The following S100Z variants were observed in gnomAD, a reference collection of about 807,000 sequenced individuals.
S100Z encodes the protein S100 calcium binding protein Z, also known as protein S100-Z.
S100Z carries 11 observed loss-of-function variants against 8.5 expected under a neutral mutation model. The ratio of observed to expected loss-of-function variants is 1.30; its 90% CI spans 0.82 to 2.15. The LOEUF (loss-of-function observed/expected upper bound fraction) is 2.15. Ranked by LOEUF, S100Z falls within the 30% of genes most tolerant of loss-of-function variation. The pLI is 0.00. For synonymous variants in S100Z, 34 were observed against 43.8 expected (o/e 0.78, Z 0.89); for missense variants, 126 against 117.9 (o/e 1.07, Z -0.32).
chr5:76,908,897 C>T (rs1744548982), intron 4 of S100Z, among the ~76,000 whole-genome samples: 2 of 152,126 alleles, frequency 1.3e-5, no homozygotes, highest in African/African-American at 4.8e-5. Flanking sequence ...GCCACTAAAT[C>T]CGATTTTTCT....
chr5:76,938,749 T>C, the S100Z span, among the ~76,000 whole-genome samples: 1 of 152,192 alleles, frequency 6.6e-6, no homozygotes, highest in Non-Finnish European at 1.5e-5. Flanking sequence ...CAAATTAATT[T>C]TTATGTATGG....
At chr5:76,878,485 G>A (rs893446909) in intron 4 of S100Z, among the ~76,000 whole-genome samples, 9 of 152,106 alleles carry the variant, frequency 5.9e-5, no homozygotes, top group African/African-American at 9.7e-5. Context: ...GCTGAGCCTC[G>A]GTAGGCCCCA....
chr5:76,914,151 A>G (rs982922865), intron 4 of S100Z, among the ~76,000 whole-genome samples: 2 of 152,082 alleles, frequency 1.3e-5, no homozygotes, highest in Non-Finnish European at 2.9e-5. Context: ...TCTGGAGGAC[A>G]TTACAACTGC....
intron 4 of S100Z, among the ~76,000 whole-genome samples, chr5:76,919,907 A>ATTTTTTT (rs1184233230): frequency 8.2e-6 from 1 of 122,226 alleles, no homozygotes. Flanking sequence ...CCCAGCTTTC[A>ATTTTTTT]TTTTTTTTTT....
intron 1 of S100Z, among the ~76,000 whole-genome samples, chr5:76,863,686 C>G (rs562445374): frequency 9.2e-5 from 14 of 151,950 alleles, no homozygotes; most frequent in South Asian, 8.3e-4. Flanking sequence ...CTACAGGCAC[C>G]CGCCACCACA....
intron 2 of S100Z, among the ~76,000 whole-genome samples, chr5:76,871,937 C>T (rs1185004055): frequency 6.6e-6 from 1 of 152,188 alleles, no homozygotes; most frequent in Non-Finnish European, 1.5e-5. Flanking sequence ...TATAACTTAA[C>T]ATATAAAACC....
chr5:76,874,390 A>C (rs1743107924), intron 2 of S100Z, among the ~76,000 whole-genome samples: 2 of 152,094 alleles, frequency 1.3e-5, no homozygotes, highest in South Asian at 4.2e-4. Context: ...ACACTCCCCT[A>C]AAGAGAGATA....
chr5:76,862,216 A>AT (rs1751078804), intron 1 of S100Z, among the ~76,000 whole-genome samples: 1 of 151,956 alleles, frequency 6.6e-6, no homozygotes, highest in African/African-American at 2.4e-5. Flanking sequence ...ATGAACTCCC[A>AT]TGTACCCAGC....
chr5:76,936,329 C>T, the S100Z span, among the ~76,000 whole-genome samples: 1 of 151,792 alleles, frequency 6.6e-6, no homozygotes, highest in South Asian at 2.1e-4. Flanking sequence ...AATCATATTG[C>T]AAATTAGTAT....
At chr5:76,853,589 A>G (rs1412227178) in intron 1 of S100Z, among the ~76,000 whole-genome samples, 2 of 152,102 alleles carry the variant, frequency 1.3e-5, no homozygotes, top group Non-Finnish European at 2.9e-5. Flanking sequence ...TGAGGTCAGG[A>G]GTTCAAGATC....
Position 76,875,489 on chromosome 5 carries a change from G to C in S100Z, c.130G>C (p.Glu44Gln). Residue 44 changes from glutamate to glutamine, a missense_variant, in exon 3 of 5, where the codon GAA (glutamate) becomes CAA (glutamine). Glu to Gln is a conservative substitution (Grantham distance 29). Coordinates refer to ENST00000317593, the MANE Select transcript of S100Z (RefSeq NM_130772.4). The part of the protein sequence containing the change: ...LKLLLQRELT[E>Q]FLSCQKETQL... ...ACTGCTCCTGCAGCGAGAGCTCACG[G>C]AATTCCTCTCGGTGAGTCAGGCCTT... 6.2e-7 allele frequency: 1 copy of C among 1,609,518 alleles called. No individual in the cohort carries two copies. Among genetic ancestry groups the C allele is most frequent in the Non-Finnish European group, 8.5e-7 (1 of 1,178,328 alleles).
chr5:76,883,935 G>A (rs377263468), intron 4 of S100Z, among the ~76,000 whole-genome samples: 4 of 152,140 alleles, frequency 2.6e-5, no homozygotes, highest in African/African-American at 9.7e-5. Context: ...GATGTGGCTG[G>A]GGTTTGTCTC....
chr5:76,875,161 G>T, intron 2 of S100Z, 143 bp from the exon 3 acceptor site: 1 of 401,142 alleles, frequency 2.5e-6, no homozygotes, highest in Non-Finnish European at 4.4e-6. Context: ...AAAGTGCTGG[G>T]ATTACAGGCT....
At chr5:76,912,577 G>A (rs143628536) in intron 4 of S100Z, among the ~76,000 whole-genome samples, 1 of 152,350 alleles carries the variant, frequency 6.6e-6, no homozygotes, top group Non-Finnish European at 1.5e-5. Context: ...AAAAATAAAT[G>A]TGTATACGGA....
At chr5:76,861,325 A>C (rs2150624450) in intron 1 of S100Z, among the ~76,000 whole-genome samples, 1 of 147,660 alleles carries the variant, frequency 6.8e-6, no homozygotes, top group East Asian at 1.9e-4. Context: ...TTCAAGAGGA[A>C]GCGAGGCAAA....
intron 4 of S100Z, among the ~76,000 whole-genome samples, chr5:76,894,509 A>G (rs887155172): frequency 6.6e-6 from 1 of 152,144 alleles, no homozygotes; most frequent in African/African-American, 2.4e-5. Flanking sequence ...TTTAACATCC[A>G]TATACGTACG....
chr5:76,941,783 C>T, the S100Z span, among the ~76,000 whole-genome samples: 4 of 151,840 alleles, frequency 2.6e-5, no homozygotes, highest in South Asian at 2.1e-4. Context: ...TTTTAAGGAG[C>T]GGGGAGTTAT....
chr5:76,941,045 T>C, the S100Z span, among the ~76,000 whole-genome samples: 1 of 152,150 alleles, frequency 6.6e-6, no homozygotes, highest in African/African-American at 2.4e-5. Flanking sequence ...AGTTCTTGCA[T>C]TGCTGTAAAG....
the S100Z span, among the ~76,000 whole-genome samples, chr5:76,939,847 G>A: frequency 1.3e-5 from 2 of 151,842 alleles, no homozygotes; most frequent in South Asian, 2.1e-4. Flanking sequence ...AAATTGGCAC[G>A]TCTGACTCCT....
Sources: gnomAD v4.1 joint callset for allele counts (sites outside exome capture counted in the v4.1 genomes callset) on GRCh38, gnomAD v4.1.1 for gene constraint, MANE v1.5 for transcripts, NCBI Gene and HGNC (gene_info 2026-07-23, HGNC 2026-07-21) for gene names.